PLEKHS1: variants seen among roughly 807,000 people sequenced by gnomAD.
PLEKHS1 encodes the protein pleckstrin homology domain-containing family S member 1.
Under a neutral mutation model 51.0 loss-of-function variants are expected in PLEKHS1, and 55 were observed. That is an observed-to-expected ratio of 1.08 (90% CI 0.87 to 1.35). The LOEUF is 1.35. PLEKHS1 is among the 40% of genes most tolerant of loss of function. PLEKHS1 has a pLI of 0.00. For synonymous variants in PLEKHS1, 153 were observed against 144.8 expected, an observed-to-expected ratio of 1.06 and a Z score of -0.41; for missense variants, 398 against 423.0, an observed-to-expected ratio of 0.94 and a Z score of 0.52.
chr10:113,769,287 TCATGTA>T (rs556452032), intron 6 of PLEKHS1, among the ~76,000 whole-genome samples: 313 of 152,366 alleles, frequency 2.1e-3, no homozygotes, highest in African/African-American at 7.2e-3. Flanking sequence ...AATGTATCTT[TCATGTA>T]CATGCTTAGC....
At chr10:113,777,528 AATCAGACTGGTGCAGGGATT>A (rs928696072) in intron 11 of PLEKHS1, 1 of 1,555,552 alleles carries the variant, frequency 6.4e-7, no homozygotes, top group Admixed American at 1.9e-5. Flanking sequence ...GCTTGCATGG[AATCAGACTGGTGCAGGGATT>A]CCAAAACAGC....
At chr10:113,769,747 C>A in intron 6 of PLEKHS1, 37 bp from the exon 7 acceptor site, 1 of 1,344,712 alleles carries the variant, frequency 7.4e-7, no homozygotes, top group Non-Finnish European at 1.1e-6. Context: ...AGACAGAGAT[C>A]AACTGTGCCC....
Position 113,768,895 on chromosome 10 carries a change from C to T in PLEKHS1, c.435+5C>T. On this transcript the variant is annotated splice_donor_5th_base_variant and intron_variant, in intron 6 of 11. Transcript: ENST00000361048. Reference sequence around the variant, plus strand: ...GCAACACAGCAGAACACAGAGGTGACTCCATATCACTAATAAAATAACAGG... The same window carrying T: ...GCAACACAGCAGAACACAGAGGTGATTCCATATCACTAATAAAATAACAGG... 5 of 1,603,312 alleles carry T rather than the reference C, an allele frequency of 3.1e-6. No individual in the cohort carries two copies. Among genetic ancestry groups the T allele is most frequent in the Non-Finnish European group, 4.3e-6 (5 of 1,175,296 alleles).
intron 2 of PLEKHS1, among the ~76,000 whole-genome samples, chr10:113,760,967 A>C (rs973381467): frequency 2.6e-5 from 4 of 152,152 alleles, no homozygotes; most frequent in Non-Finnish European, 5.9e-5. Flanking sequence ...CATTTATTTG[A>C]GTTAACTTCA....
intron 2 of PLEKHS1, among the ~76,000 whole-genome samples, chr10:113,757,943 G>A (rs1408955466): frequency 6.6e-6 from 1 of 152,230 alleles, no homozygotes; most frequent in African/African-American, 2.4e-5. Flanking sequence ...ATCTGTTGAA[G>A]TTTGATCATG....
intron 7 of PLEKHS1, among the ~76,000 whole-genome samples, chr10:113,771,674 C>CA (rs11383972): frequency 0.23 from 17,396 of 74,130 alleles, 1,929 homozygotes; most frequent in Middle Eastern, 0.3. Context: ...GACTCTGTCT[C>CA]AAAAAAAAAA....
intron 9 of PLEKHS1, 24 bp from the exon 10 acceptor site, chr10:113,774,802 T>G: frequency 6.3e-7 from 1 of 1,595,172 alleles, no homozygotes; most frequent in Non-Finnish European, 8.6e-7. Context: ...AAAATAGGGC[T>G]TGTTTTAACT....
At chr10:113,780,339 C>G (rs1844827464) in intron 11 of PLEKHS1, among the ~76,000 whole-genome samples, 1 of 152,106 alleles carries the variant, frequency 6.6e-6, no homozygotes, top group African/African-American at 2.4e-5. Context: ...AATTGGACCC[C>G]TTAGAGCACC....
intron 2 of PLEKHS1, among the ~76,000 whole-genome samples, chr10:113,756,100 A>G (rs1230052225): frequency 1.3e-5 from 2 of 152,222 alleles, no homozygotes; most frequent in African/African-American, 4.8e-5. Context: ...AAATTATCCA[A>G]TTCAACTCAA....
intron 11 of PLEKHS1, 47 bp downstream of exon 12, chr10:113,777,306 G>T: frequency 6.2e-7 from 1 of 1,608,226 alleles, no homozygotes; most frequent in Admixed American, 1.7e-5. Flanking sequence ...AGTACCAGAA[G>T]GAAAAAGATC....
chr10:113,763,674 A>G (rs968829463), intron 2 of PLEKHS1, among the ~76,000 whole-genome samples: 14 of 152,330 alleles, frequency 9.2e-5, no homozygotes, highest in African/African-American at 3.4e-4. Flanking sequence ...GTGATAGTAT[A>G]CCAATTCACA....
chr10:113,780,936 A>G, exon 12 of PLEKHS1: 1 of 698,688 alleles, frequency 1.4e-6, no homozygotes, highest in South Asian at 2.0e-5. Context: ...CTCTCTGGTT[A>G]TTGTATCAGA....
chr10:113,757,450 C>T (rs1317537604), intron 2 of PLEKHS1, among the ~76,000 whole-genome samples: 2 of 152,260 alleles, frequency 1.3e-5, no homozygotes, highest in East Asian at 1.9e-4. Context: ...ATACTGTAGT[C>T]GAGTGTGTAA....
intron 2 of PLEKHS1, among the ~76,000 whole-genome samples, chr10:113,760,279 T>G (rs557788766): frequency 3.3e-5 from 5 of 152,376 alleles, no homozygotes; most frequent in South Asian, 2.1e-4. Context: ...ACATCAGGGT[T>G]GCTTCCAGTC....
At chr10:113,771,118 T>C (rs887338634) in intron 7 of PLEKHS1, 3 of 152,244 alleles carry the variant, frequency 2.0e-5, no homozygotes, top group Non-Finnish European at 2.9e-5. Context: ...GAATATTCTG[T>C]ATCTATGGGG....
exon 11 of PLEKHS1, chr10:113,775,816 T>C: frequency 6.2e-7 from 1 of 1,613,230 alleles, no homozygotes; most frequent in Admixed American, 1.7e-5. Context: ...TCCTTTCTCC[T>C]CCTGATGTCA....
chr10:113,755,299 A>G lies in PLEKHS1; in HGVS notation c.22A>G (p.Ser8Gly), dbSNP rs112939714. The change falls in exon 2 of 12, where the codon AGT becomes GGT. Residue 8 changes from serine (S) to glycine (G), a missense_variant. Transcript: ENST00000361048. ...CATCATGGAACCCAAACCTCAGAAG[A>G]GTCCAGGTACCCGAGGGGTATAATC... 1.9e-6 allele frequency: 3 copies of G among 1,608,858 alleles called. No homozygotes were observed. In the Admixed American group the frequency reaches 5.1e-5, roughly 27 times the overall value.
intron 11 of PLEKHS1, 123 bp from the exon 12 acceptor site, chr10:113,777,001 C>G: frequency 1.8e-6 from 2 of 1,126,260 alleles, no homozygotes; most frequent in Admixed American, 4.8e-5. Flanking sequence ...ATATTCTAAA[C>G]AGAAGGAGAT....
At chr10:113,760,821 T>A (rs1358037119) in intron 2 of PLEKHS1, among the ~76,000 whole-genome samples, 1 of 152,200 alleles carries the variant, frequency 6.6e-6, no homozygotes, top group Non-Finnish European at 1.5e-5. Flanking sequence ...TTTGATGAAG[T>A]CTAGTTTATC....
Sources: gnomAD v4.1 joint callset for allele counts (sites outside exome capture counted in the v4.1 genomes callset) on GRCh38, gnomAD v4.1.1 for gene constraint, MANE v1.5 for transcripts, NCBI Gene and HGNC (gene_info 2026-07-23, HGNC 2026-07-21) for gene names.